MIPOL1: variants seen among roughly 807,000 people sequenced by gnomAD.
The protein encoded by MIPOL1 is mirror-image polydactyly 1.
Under a neutral mutation model 60.9 loss-of-function variants are expected in MIPOL1, and 57 were observed. The ratio of observed to expected loss-of-function variants is 0.94; its 90% confidence interval spans 0.76 to 1.17. The LOEUF is 1.17. Among genes scored for constraint, MIPOL1 ranks in the 50% most tolerant of loss-of-function variants. The probability of loss-of-function intolerance (pLI) is 0.00; values close to 1 mark genes in which losing one functional copy is unlikely to be tolerated. For missense variants in MIPOL1, 551 were observed against 511.6 expected, an observed-to-expected ratio of 1.08 and a Z score of -0.74; for synonymous variants, 179 against 168.8, an observed-to-expected ratio of 1.06 and a Z score of -0.47.
intron 7 of MIPOL1, among the ~76,000 whole-genome samples, chr14:37,293,582 C>A (rs2085306342): frequency 6.6e-6 from 1 of 152,172 alleles, no homozygotes; most frequent in Admixed American, 6.5e-5. Context: ...TGACAGACGG[C>A]ACCTGGAAAA....
intron 12 of MIPOL1, among the ~76,000 whole-genome samples, chr14:37,536,108 G>T (rs906721056): frequency 6.6e-6 from 1 of 152,102 alleles, no homozygotes; most frequent in East Asian, 1.9e-4. Context: ...GGGGGAAAGG[G>T]CTGAATTAGA....
At chr14:37,539,483 A>G (rs1315184412) in intron 12 of MIPOL1, among the ~76,000 whole-genome samples, 1 of 150,752 alleles carries the variant, frequency 6.6e-6, no homozygotes, top group Non-Finnish European at 1.5e-5. Flanking sequence ...AGAGAGATAT[A>G]AGTTCCATTT....
At chr14:37,209,137 T>TTA (rs1403588361) in intron 1 of MIPOL1, among the ~76,000 whole-genome samples, 2 of 152,148 alleles carry the variant, frequency 1.3e-5, no homozygotes, top group African/African-American at 4.8e-5. Flanking sequence ...AGAGCTGATG[T>TTA]TATATTTAGT....
intron 6 of MIPOL1, among the ~76,000 whole-genome samples, chr14:37,279,776 C>G (rs2083955179): frequency 6.6e-6 from 1 of 152,044 alleles, no homozygotes; most frequent in Non-Finnish European, 1.5e-5. Context: ...ACCTCAAATA[C>G]TTACTGTTTC....
chr14:37,501,134 T>G (rs1410781230), intron 12 of MIPOL1, among the ~76,000 whole-genome samples: 2 of 152,206 alleles, frequency 1.3e-5, no homozygotes, highest in Non-Finnish European at 2.9e-5. Flanking sequence ...AGTTTAGAAA[T>G]TGTGCATTTT....
At chr14:37,415,656 T>C (rs948547568) in intron 10 of MIPOL1, among the ~76,000 whole-genome samples, 2 of 150,952 alleles carry the variant, frequency 1.3e-5, no homozygotes, top group Admixed American at 1.3e-4. Flanking sequence ...TTAGCACAGA[T>C]TTTTTAAAGC....
At chr14:37,546,029 G>C (rs1165305835) in intron 12 of MIPOL1, 1 of 178,094 alleles carries the variant, frequency 5.6e-6, no homozygotes, top group Non-Finnish European at 1.2e-5. Flanking sequence ...TATGCTTTCA[G>C]TAAAGAAAAT....
At chr14:37,339,437 C>T (rs1174842506) in intron 9 of MIPOL1, among the ~76,000 whole-genome samples, 1 of 152,140 alleles carries the variant, frequency 6.6e-6, no homozygotes, top group Non-Finnish European at 1.5e-5. Flanking sequence ...TGTGACTTAG[C>T]AATTCCATTT....
At position 37,381,771 on chromosome 14, in the gene MIPOL1, G is replaced by A. The variant is rs552217304; in HGVS notation, c.936+12147G>A. On this transcript the variant is annotated intron_variant, in intron 10 of 12. Coordinates refer to ENST00000684589, the MANE Select transcript of MIPOL1 (RefSeq NM_001388067.1). ...CTAATTTTTTTTTTTTTTATTTTTA[G>A]TAGAGATGAGATCTCACTATTTTGC... Among the ~76,000 whole-genome samples, 37 of 149,406 alleles carry A rather than the reference G, an allele frequency of 2.5e-4. No individual in the cohort carries two copies. The South Asian group carries it at 7.6e-3, about 31-fold the overall frequency.
chr14:37,208,133 A>G (rs12889278), intron 1 of MIPOL1, among the ~76,000 whole-genome samples: 7,610 of 152,160 alleles, frequency 0.05, 232 homozygotes, highest in South Asian at 0.1. Context: ...ACTGTTTTGG[A>G]TGCATATAGT....
chr14:37,415,817 A>G (rs192688169), intron 10 of MIPOL1, among the ~76,000 whole-genome samples: 1 of 152,120 alleles, frequency 6.6e-6, no homozygotes, highest in Non-Finnish European at 1.5e-5. Context: ...GAATAGTAAT[A>G]GTAGCTACTA....
intron 12 of MIPOL1, among the ~76,000 whole-genome samples, chr14:37,518,150 TACTA>T (rs2095384755): frequency 1.3e-5 from 2 of 152,206 alleles, no homozygotes; most frequent in South Asian, 2.1e-4. Context: ...TTTTAAAGTT[TACTA>T]ACTATGTTAA....
At chr14:37,478,863 T>G (rs2094818333) in intron 11 of MIPOL1, among the ~76,000 whole-genome samples, 1 of 152,036 alleles carries the variant, frequency 6.6e-6, no homozygotes, top group Non-Finnish European at 1.5e-5. Context: ...GTAAATATTG[T>G]TTTAGACAAT....
intron 11 of MIPOL1, among the ~76,000 whole-genome samples, chr14:37,497,166 C>T (rs867577572): frequency 7.9e-5 from 12 of 152,292 alleles, no homozygotes; most frequent in Middle Eastern, 3.4e-3. Context: ...AAGACTTAAA[C>T]GGTAGACCTA....
At chr14:37,469,932 T>G in intron 11 of MIPOL1, among the ~76,000 whole-genome samples, 1 of 152,164 alleles carries the variant, frequency 6.6e-6, no homozygotes, top group East Asian at 1.9e-4. Flanking sequence ...AGTTTTCTGT[T>G]ATAGCCACAG....
intron 12 of MIPOL1, chr14:37,501,910 CCA>C (rs2095221366): frequency 2.0e-5 from 3 of 152,286 alleles, no homozygotes; most frequent in Admixed American, 6.5e-5. Context: ...TGTGCTTTTC[CCA>C]CAGTCTTACC....
chr14:37,238,102 G>A (rs1971770244), intron 1 of MIPOL1, among the ~76,000 whole-genome samples: 1 of 152,130 alleles, frequency 6.6e-6, no homozygotes, highest in African/African-American at 2.4e-5. Context: ...AAGCAGCTGA[G>A]AGTTACAGGC....
In MIPOL1 at chr14:37,379,153, A is replaced by G. The variant is rs149804073; in HGVS notation, c.936+9529A>G. Among the ~76,000 whole-genome samples, 741 of 152,204 alleles carry G rather than the reference A, an allele frequency of 4.9e-3. 3 individuals are homozygous for G. The highest frequency in any genetic ancestry group is 9.4e-3 in the Admixed American group (143 of 15,258). On this transcript the variant is annotated intron_variant, in intron 10 of 12. Coordinates refer to ENST00000684589, the MANE Select transcript of MIPOL1 (RefSeq NM_001388067.1). ...AACAGAATTGAGAGTCCAGAACTCAACCTCATACTTATGGTCAATTGACTT... is the reference window on the plus strand; with the variant it reads ...AACAGAATTGAGAGTCCAGAACTCAGCCTCATACTTATGGTCAATTGACTT...
chr14:37,338,843 CT>C (rs1207530890), intron 9 of MIPOL1, among the ~76,000 whole-genome samples: 2 of 152,116 alleles, frequency 1.3e-5, no homozygotes, highest in Non-Finnish European at 2.9e-5. Context: ...GTCAAAATGG[CT>C]TATAGACCTC....
Sources: gnomAD v4.1 joint callset for allele counts (sites outside exome capture counted in the v4.1 genomes callset) on GRCh38, gnomAD v4.1.1 for gene constraint, MANE v1.5 for transcripts, NCBI Gene and HGNC (gene_info 2026-07-23, HGNC 2026-07-21) for gene names.